The following MUC17 variants were observed in gnomAD, a reference collection of about 807,000 sequenced individuals.
MUC17 encodes mucin 17, cell surface associated.
A neutral mutation model predicts 170.3 loss-of-function variants in MUC17; 190 were observed. The observed-to-expected ratio is 1.12, with a 90% confidence interval of 0.99 to 1.26. The LOEUF (loss-of-function observed/expected upper bound fraction) is 1.26. Among genes scored for constraint, MUC17 ranks in the 50% most tolerant of loss-of-function variants. MUC17 has a pLI of 0.00. For missense variants in MUC17, 6,415 were observed against 5,530.0 expected (o/e 1.16, Z -5.08); for synonymous variants, 2,325 against 2,002.5 (o/e 1.16, Z -4.30).
Position 101,040,123 on chromosome 7 carries a change from T to C in MUC17, c.8707T>C (p.Ser2903Pro), listed in dbSNP as rs770147829. ...PVDTSIPVTT[S>P]TEGSSSPTTA... ...TGATACCAGCATACCTGTCACCACT[T>C]CTACTGAAGGCAGTTCTTCTCCTAC... Residue 2903 changes from serine to proline, a missense_variant, in exon 3 of 13, where the codon TCT (serine) becomes CCT (proline). By Grantham distance (74) the Ser-to-Pro change is moderately conservative. Coordinates refer to ENST00000306151, the MANE Select transcript of MUC17 (RefSeq NM_001040105.2). The C allele has an allele frequency of 2.5e-6, 4 of 1,612,308 alleles. No homozygotes were observed. The African/African-American group carries it at 4.0e-5, about 16-fold the overall frequency.
At position 101,053,022 on chromosome 7, in the gene MUC17, G is replaced by A; in HGVS notation, c.13140G>A (p.Glu4380=). The change falls in exon 10 of 13, where the codon GAG becomes GAA. Residue 4380 remains glutamate (E), a synonymous_variant. Coordinates refer to ENST00000306151, the MANE Select transcript of MUC17 (RefSeq NM_001040105.2). ...CGGAAACTCACTGGTACAGTGGGGA[G>A]ACCTGTAACCAGGGCACCCAGAAGA... ...VTTETHWYSG[E]TCNQGTQKSL... 6.2e-7 allele frequency: 1 copy of A among 1,614,112 alleles called. No homozygotes were observed. Among genetic ancestry groups the A allele is most frequent in the Non-Finnish European group, 8.5e-7 (1 of 1,180,020 alleles).
At chr7:101,020,856 A>G (rs1584852741) in intron 1 of MUC17, among the ~76,000 whole-genome samples, 2 of 152,144 alleles carry the variant, frequency 1.3e-5, no homozygotes, top group East Asian at 3.9e-4. Context: ...TCATGGCCAC[A>G]GGGACCCCGG....
At chr7:101,027,140 C>T (rs1794194932) in intron 1 of MUC17, among the ~76,000 whole-genome samples, 1 of 151,724 alleles carries the variant, frequency 6.6e-6, no homozygotes, top group South Asian at 2.1e-4. Context: ...ACTATCTGGG[C>T]AACATAGCAA....
rs1221136131 is a variant in MUC17 at position 101,037,370 on chromosome 7, C to T, written c.5954C>T (p.Thr1985Ile). 6.2e-7 allele frequency: 1 copy of T among 1,614,098 alleles called. No homozygotes were observed. The highest frequency in any genetic ancestry group is 1.7e-5 in the Admixed American group (1 of 60,022). Reference sequence around the variant, plus strand: ...ACCCCAGCTTATAGTGAAGGAAGCACTCCACTAACAAGTATGCCTCTCAGC... The same window carrying T: ...ACCCCAGCTTATAGTGAAGGAAGCATTCCACTAACAAGTATGCCTCTCAGC... ...MPTPAYSEGS[T>I]PLTSMPLSTT... Residue 1985 changes from threonine (T) to isoleucine (I), a missense_variant, in exon 3 of 13, where the codon ACT (threonine) becomes ATT (isoleucine). Physicochemically the swap from Thr to Ile is moderately conservative, Grantham distance 89 (BLOSUM62 -1). Transcript: ENST00000306151.
In MUC17 at chr7:101,034,127, C is replaced by T. The variant is rs139093882; in HGVS notation, c.2711C>T (p.Ser904Leu). 2.2e-5 allele frequency: 35 copies of T among 1,584,150 alleles called. No homozygotes were observed. Among genetic ancestry groups the T allele is most frequent in the South Asian group, 9.2e-5 (8 of 87,086 alleles). Reference protein sequence around the residue: ...TPVTNSTEARSSPTTSEGTSM... With the variant: ...TPVTNSTEARLSPTTSEGTSM... ...GTGACCAATTCTACTGAAGCCCGTT[C>T]GTCTCCTACAACTTCTGAAGGTACC... The change falls in exon 3 of 13, where the codon TCG (serine) becomes TTG (leucine). Residue 904 changes from serine (S) to leucine (L), a missense_variant. Coordinates refer to ENST00000306151, the MANE Select transcript of MUC17 (RefSeq NM_001040105.2).
intron 3 of MUC17, among the ~76,000 whole-genome samples, chr7:101,044,598 G>A (rs1794801697): frequency 6.6e-6 from 1 of 152,008 alleles, no homozygotes; most frequent in African/African-American, 2.4e-5. Context: ...TCTTTGCCTG[G>A]GCACCTCAGT....
In MUC17 at chr7:101,033,752, C is replaced by G; in HGVS notation, c.2336C>G (p.Thr779Ser). ...CCTCTTGACACAAGCACACATATCA[C>G]CACTTCTACTGAAGCCAGTTGCTCT... is the stretch of plus-strand genomic sequence containing the variant. ...TTPLDTSTHI[T>S]TSTEASCSPT... The change falls in exon 3 of 13, where the codon ACC (threonine) becomes AGC (serine). Residue 779 changes from threonine to serine, a missense_variant. Physicochemically the swap from Thr to Ser is moderately conservative, Grantham distance 58 (BLOSUM62 1). Transcript: ENST00000306151. 1 of 1,614,004 alleles carries G rather than the reference C, an allele frequency of 6.2e-7. No individual in the cohort carries two copies. Among genetic ancestry groups the G allele is most frequent in the South Asian group, 1.1e-5 (1 of 91,078 alleles).
At position 101,032,962 on chromosome 7, in the gene MUC17, A is replaced by T; in HGVS notation, c.1546A>T (p.Met516Leu). The change falls in exon 3 of 13, where the codon ATG (methionine) becomes TTG (leucine). Residue 516 changes from methionine to leucine, a missense_variant. Coordinates refer to ENST00000306151, the MANE Select transcript of MUC17 (RefSeq NM_001040105.2). Reference sequence around the variant, plus strand: ...TGAAGGAAGCACTCCATTAACAAGTATGTCTGTCAGCACCATGCCGGTGGC... The same window carrying T: ...TGAAGGAAGCACTCCATTAACAAGTTTGTCTGTCAGCACCATGCCGGTGGC... Reference protein sequence around the residue: ...PSEGSTPLTSMSVSTMPVASS... With the variant: ...PSEGSTPLTSLSVSTMPVASS... 3 of 1,614,104 alleles carry T rather than the reference A, an allele frequency of 1.9e-6. No homozygotes were observed. Among genetic ancestry groups the T allele is most frequent in the Non-Finnish European group, 2.5e-6 (3 of 1,180,014 alleles).
chr7:101,047,995 G>T lies in MUC17; in HGVS notation c.12415G>T (p.Gly4139Trp). The change falls in exon 4 of 13, where the codon GGG (glycine) becomes TGG (tryptophan). Residue 4139 changes from glycine to tryptophan, a missense_variant. Transcript: ENST00000306151. ...TGATTGTTCCACAGGCTTTGGAGAT[G>T]GGTGCCAGAATACGGCCTCTCGCTG... ...VPRTTTCFGD[G>W]CQNTASRCKN... The T allele has an allele frequency of 6.3e-7, 1 of 1,595,400 alleles. No individual in the cohort carries two copies. The highest frequency in any genetic ancestry group is 1.7e-4 in the Middle Eastern group (1 of 5,868).
rs1386030511 is a variant in MUC17 at position 101,042,114 on chromosome 7, G to A, written c.10698G>A (p.Met3566Ile). 3 of 1,614,106 alleles carry A rather than the reference G, an allele frequency of 1.9e-6. No individual in the cohort carries two copies. Among genetic ancestry groups the A allele is most frequent in the Non-Finnish European group, 2.5e-6 (3 of 1,180,018 alleles). ...CAGCAACTCTTCAGGTCACCACTAT[G>A]CGTATGTCTACTCCAAGTGAAGGAA... is the stretch of plus-strand genomic sequence containing the variant. ...SSPATLQVTT[M>I]RMSTPSEGSS... The change falls in exon 3 of 13, where the codon ATG becomes ATA. Residue 3566 changes from methionine (M) to isoleucine (I), a missense_variant. Physicochemically the swap from Met to Ile is conservative, Grantham distance 10. Coordinates refer to ENST00000306151, the MANE Select transcript of MUC17 (RefSeq NM_001040105.2).
In MUC17 at chr7:101,058,129, G is replaced by A. The variant is rs537994337; in HGVS notation, c.*85G>A. The A allele has an allele frequency of 7.2e-6, 9 of 1,246,922 alleles. No individual in the cohort carries two copies. The African/African-American group carries it at 1.0e-4, about 14-fold the overall frequency. 77.2% of individuals were successfully genotyped at this position (1,246,922 alleles called of 1,614,324 possible). The stretch of plus-strand genomic sequence containing the variant: ...CATTTTCCCATTGAGAGCCTTCCAT[G>A]GGAACTCAATGTTCCCATTGTAAGT... On this transcript the variant is annotated 3_prime_UTR_variant, in exon 13 of 13. Coordinates refer to ENST00000306151, the MANE Select transcript of MUC17 (RefSeq NM_001040105.2).
rs1264452453 is a variant in MUC17 at position 101,042,546 on chromosome 7, G to A, written c.11130G>A (p.Glu3710=). ...GCACCACACGTGTGACCAGCTCTGA[G>A]GGTAGCACCCTTTCAACACCTTCTG... ...PVSTTRVTSS[E]GSTLSTPSVV... The change falls in exon 3 of 13, where the codon GAG becomes GAA. Residue 3710 remains glutamate (E), a synonymous_variant. Coordinates refer to ENST00000306151, the MANE Select transcript of MUC17 (RefSeq NM_001040105.2). The A allele has an allele frequency of 1.9e-6, 3 of 1,613,824 alleles. No homozygotes were observed. The highest frequency in any genetic ancestry group is 2.5e-6 in the Non-Finnish European group (3 of 1,180,010).
Position 101,031,957 on chromosome 7 carries a change from A to G in MUC17, c.541A>G (p.Lys181Glu), listed in dbSNP as rs753164036. The G allele has an allele frequency of 6.2e-7, 1 of 1,614,102 alleles. No individual in the cohort carries two copies. The highest frequency in any genetic ancestry group is 8.5e-7 in the Non-Finnish European group (1 of 1,180,020). The stretch of plus-strand genomic sequence containing the variant: ...TGAGGCCTACACATCTTTAACATAT[A>G]AGGTTGATATGAGCACACCTCTGAC... Reference protein sequence around the residue: ...SFEAYTSLTYKVDMSTPLTTS... With the variant: ...SFEAYTSLTYEVDMSTPLTTS... The change falls in exon 3 of 13, where the codon AAG becomes GAG. Residue 181 changes from lysine to glutamate, a missense_variant. Physicochemically the swap from Lys to Glu is moderately conservative, Grantham distance 56 (BLOSUM62 1). Transcript: ENST00000306151.
rs780046967 is a variant in MUC17 at position 101,033,433 on chromosome 7, G to A, written c.2017G>A (p.Ala673Thr). 3.7e-6 allele frequency: 6 copies of A among 1,612,542 alleles called. No homozygotes were observed. The South Asian group carries it at 6.6e-5, about 18-fold the overall frequency. The change falls in exon 3 of 13, where the codon GCG becomes ACG. Residue 673 changes from alanine to threonine, a missense_variant. Coordinates refer to ENST00000306151, the MANE Select transcript of MUC17 (RefSeq NM_001040105.2). ...STEATSSSTT[A>T]EGTSMPTSTY... Reference sequence around the variant, plus strand: ...TGAAGCCACTTCATCTTCTACAACTGCGGAAGGTACCAGCATGCCAACCTC... The same window carrying A: ...TGAAGCCACTTCATCTTCTACAACTACGGAAGGTACCAGCATGCCAACCTC...
Position 101,035,040 on chromosome 7 carries a change from C to T in MUC17, c.3624C>T (p.Ser1208=), listed in dbSNP as rs1163893367. Residue 1208 remains serine, a synonymous_variant, in exon 3 of 13, where the codon AGC becomes AGT. Coordinates refer to ENST00000306151, the MANE Select transcript of MUC17 (RefSeq NM_001040105.2). ...SSPPPTAEVT[S]MPTSTPGERS... is the part of the protein sequence containing the mutation. ...CTCCTCCAACTGCTGAAGTTACCAG[C>T]ATGCCAACCTCAACTCCTGGAGAAA... The T allele has an allele frequency of 2.5e-6, 4 of 1,614,068 alleles. No homozygotes were observed. Among genetic ancestry groups the T allele is most frequent in the Middle Eastern group, 1.6e-4 (1 of 6,082 alleles).
intron 4 of MUC17, among the ~76,000 whole-genome samples, chr7:101,048,459 G>A (rs919447617): frequency 6.6e-6 from 1 of 151,706 alleles, no homozygotes; most frequent in African/African-American, 2.4e-5. Context: ...GACTGGGTGT[G>A]GTGGTGCATA....
Position 101,040,412 on chromosome 7 carries a change from T to A in MUC17, c.8996T>A (p.Val2999Glu). Residue 2999 changes from valine (V) to glutamate (E), a missense_variant, in exon 3 of 13, where the codon GTG (valine) becomes GAG (glutamate). Coordinates refer to ENST00000306151, the MANE Select transcript of MUC17 (RefSeq NM_001040105.2). Reference protein sequence around the residue: ...LTSMSVSTMPVASSEASTLSR... With the variant: ...LTSMSVSTMPEASSEASTLSR... ...AGTATGTCTGTCAGCACCATGCCGGTGGCCAGTTCTGAGGCTAGCACCCTT... is the reference window on the plus strand; with the variant it reads ...AGTATGTCTGTCAGCACCATGCCGGAGGCCAGTTCTGAGGCTAGCACCCTT... The A allele has an allele frequency of 6.2e-7, 1 of 1,611,708 alleles. No homozygotes were observed. The highest frequency in any genetic ancestry group is 1.1e-5 in the South Asian group (1 of 90,820).
At chr7:101,044,564 C>T (rs1390667934) in intron 3 of MUC17, among the ~76,000 whole-genome samples, 2 of 152,174 alleles carry the variant, frequency 1.3e-5, no homozygotes, top group African/African-American at 4.8e-5. Context: ...ACAAGTTCCC[C>T]TTTTTTGAAC....
chr7:101,043,409 C>G lies in MUC17; in HGVS notation c.11993C>G (p.Thr3998Ser). Reference protein sequence around the residue: ...TKEFTTPAMTTAAPLTYVTMS... With the variant: ...TKEFTTPAMTSAAPLTYVTMS... ...GAATTTACAACACCCGCAATGACTA[C>G]TGCAGCTCCCCTCACATATGTGACC... is the stretch of plus-strand genomic sequence containing the variant. The change falls in exon 3 of 13, where the codon ACT becomes AGT. Residue 3998 changes from threonine to serine, a missense_variant. Thr to Ser is a moderately conservative substitution (Grantham distance 58). Coordinates refer to ENST00000306151, the MANE Select transcript of MUC17 (RefSeq NM_001040105.2). The G allele has an allele frequency of 4.3e-6, 7 of 1,614,190 alleles. No individual in the cohort carries two copies. The South Asian group carries it at 6.6e-5, about 15-fold the overall frequency.
Sources: allele counts gnomAD v4.1 joint callset (sites outside exome capture counted in the v4.1 genomes callset), GRCh38; gene constraint gnomAD v4.1.1; transcripts MANE v1.5; gene names NCBI Gene and HGNC (gene_info 2026-07-23, HGNC 2026-07-21).